The following IL23R variants were observed in gnomAD, a reference collection of about 807,000 sequenced individuals.
IL23R encodes interleukin 23 receptor, also known as interleukin-23 receptor.
In IL23R, 34 loss-of-function variants were observed where a neutral mutation model predicts 56.9. The ratio of observed to expected loss-of-function variants is 0.60; its 90% CI spans 0.45 to 0.80. IL23R has a LOEUF of 0.80. IL23R is among the 30% of genes least tolerant of loss of function. IL23R has a pLI of 0.00. For synonymous variants in IL23R, 230 were observed against 249.2 expected, an observed-to-expected ratio of 0.92 and a Z score of 0.73; for missense variants, 635 against 730.0, an observed-to-expected ratio of 0.87 and a Z score of 1.50.
chr1:67,146,184 T>C (rs1363598985), intron 1 of IL23R, among the ~76,000 whole-genome samples: 1 of 152,224 alleles, frequency 6.6e-6, no homozygotes, highest in East Asian at 1.9e-4. Context: ...GCTTCTCAGC[T>C]GAGCCCAGTC....
intron 9 of IL23R, among the ~76,000 whole-genome samples, chr1:67,244,906 A>ATGGCC (rs771138012): frequency 5.3e-5 from 8 of 152,164 alleles, no homozygotes; most frequent in Non-Finnish European, 1.0e-4. Flanking sequence ...TTTGGGCAAT[A>ATGGCC]TGGCCATTTT....
At chr1:67,206,766 TG>T (rs1325625903) in intron 5 of IL23R, 143 bp from the exon 6 acceptor site, 1 of 904,232 alleles carries the variant, frequency 1.1e-6, no homozygotes. Flanking sequence ...AATAAGAAAA[TG>T]TCCATAATTG....
rs1032534416 is a variant in IL23R at position 67,193,960 on chromosome 1, C to T, written c.492-6777C>T. On this transcript the variant is annotated intron_variant, in intron 4 of 10. Transcript: ENST00000347310. ...CCAACCGGCTAAAAATTGTGGTTTC[C>T]ACGATACACTCCTCAGGTTTGATTA... Among the ~76,000 whole-genome samples, 3 of 152,196 alleles carry T rather than the reference C, an allele frequency of 2.0e-5. No homozygotes were observed. The South Asian group carries it at 6.2e-4, about 32-fold the overall frequency.
chr1:67,145,255 G>T lies in IL23R; in HGVS notation c.-634+6094G>T, dbSNP rs12057215. On this transcript the variant is annotated intron_variant, in intron 1 of 10. Transcript: ENST00000637002. ...CCAGCTACTCAGGAGGCTGAGGCAG[G>T]AGGATCACTTGAACCCAGGAGACGG... Among the ~76,000 whole-genome samples, 370 of 152,282 alleles carry T rather than the reference G, an allele frequency of 2.4e-3. 3 individuals carry two copies. The highest frequency in any genetic ancestry group is 8.4e-3 in the African/African-American group (347 of 41,542).
intron 3 of IL23R, among the ~76,000 whole-genome samples, chr1:67,181,945 C>A (rs975602804): frequency 1.3e-5 from 2 of 152,138 alleles, no homozygotes. Context: ...TGCAGAACAG[C>A]GAATATTGGT....
chr1:67,189,921 C>T (rs969918702), intron 4 of IL23R, among the ~76,000 whole-genome samples: 1 of 152,014 alleles, frequency 6.6e-6, no homozygotes, highest in Admixed American at 6.6e-5. Context: ...GGCGACTTAG[C>T]CAGACCCTGT....
intron 1 of IL23R, among the ~76,000 whole-genome samples, chr1:67,143,257 T>A (rs1247426008): frequency 1.3e-5 from 2 of 152,124 alleles, no homozygotes. Context: ...CTGGGGAGGA[T>A]TTTTGCTTTG....
chr1:67,153,040 T>C (rs1646742164), intron 1 of IL23R, among the ~76,000 whole-genome samples: 1 of 152,248 alleles, frequency 6.6e-6, no homozygotes, highest in African/African-American at 2.4e-5. Context: ...CTCCTCTTTG[T>C]ACTGCTGATA....
intron 7 of IL23R, among the ~76,000 whole-genome samples, chr1:67,228,013 TC>T (rs1650785368): frequency 8.9e-6 from 1 of 112,404 alleles, no homozygotes. Flanking sequence ...TTTCTTTCTT[TC>T]TTTCTTCCTT....
chr1:67,163,514 A>C (rs1441642178), upstream of IL23R, among the ~76,000 whole-genome samples: 2 of 151,322 alleles, frequency 1.3e-5, no homozygotes, highest in Admixed American at 6.6e-5. Context: ...AAAAGAAAAG[A>C]AAAAAGAAAA....
At chr1:67,183,034 C>T in intron 4 of IL23R, 75 bp downstream of exon 4, 1 of 1,546,692 alleles carries the variant, frequency 6.5e-7, no homozygotes, top group East Asian at 2.3e-5. Context: ...CAGCAGAGAT[C>T]CAAGAAATCA....
chr1:67,145,898 T>A (rs1027765988), intron 1 of IL23R, among the ~76,000 whole-genome samples: 3 of 152,270 alleles, frequency 2.0e-5, no homozygotes, highest in East Asian at 1.9e-4. Flanking sequence ...GCAGAAGTGA[T>A]ATTTTGTAGT....
intron 6 of IL23R, among the ~76,000 whole-genome samples, chr1:67,218,848 G>T (rs574072762): frequency 6.6e-6 from 1 of 152,094 alleles, no homozygotes; most frequent in East Asian, 1.9e-4. Context: ...CAGCCCAGGA[G>T]GAGGTGGAGG....
intron 1 of IL23R, among the ~76,000 whole-genome samples, chr1:67,151,555 T>G (rs549759293): frequency 6.6e-6 from 1 of 152,182 alleles, no homozygotes; most frequent in Non-Finnish European, 1.5e-5. Context: ...ATTGCCTAGG[T>G]TTTCTTCTAG....
chr1:67,181,269 C>G (rs1242078263), intron 3 of IL23R, among the ~76,000 whole-genome samples: 6 of 152,168 alleles, frequency 3.9e-5, no homozygotes, highest in African/African-American at 1.4e-4. Context: ...TTCAGGTACA[C>G]CAATCAGACA....
chr1:67,207,164 T>C (rs976810114), intron 6 of IL23R, 109 bp downstream of exon 6: 1 of 1,201,664 alleles, frequency 8.3e-7, no homozygotes, highest in Non-Finnish European at 1.2e-6. Context: ...TTTAATCTGA[T>C]TGTTTGCATG....
rs562665292 is a variant in IL23R, at chr1:67,145,111, A to G, written c.-634+5950A>G. ...TATAATCCCAACACTTTGGGAGGCC[A>G]AGGCAGGTGGATCACCTGAGGTCAG... On this transcript the variant is annotated intron_variant, in intron 1 of 10. Coordinates refer to the IL23R transcript ENST00000637002. Among the ~76,000 whole-genome samples, 13 of 152,322 alleles carry G rather than the reference A, an allele frequency of 8.5e-5. No individual in the cohort carries two copies. The East Asian group carries it at 2.5e-3, about 29-fold the overall frequency.
chr1:67,200,801 T>G lies in IL23R; in HGVS notation c.556T>G (p.Leu186Val). Residue 186 changes from leucine to valine, a missense_variant, in exon 5 of 11, where the codon TTA becomes GTA. Physicochemically the swap from Leu to Val is conservative, Grantham distance 32. Transcript: ENST00000347310. ...CTATATTAACATCTCCACTGATTCA[T>G]TACAAGGTGGCAAGAAGTACTTGGT... ...SSYINISTDS[L>V]QGGKKYLVWV... is the part of the protein sequence containing the mutation. The G allele has an allele frequency of 6.2e-7, 1 of 1,614,096 alleles. No individual in the cohort carries two copies. Among genetic ancestry groups the G allele is most frequent in the South Asian group, 1.1e-5 (1 of 91,076 alleles).
intron 1 of IL23R, 97 bp downstream of exon 1, chr1:67,166,638 A>G (rs771061417): frequency 6.6e-6 from 1 of 152,374 alleles, no homozygotes; most frequent in Non-Finnish European, 1.5e-5. Flanking sequence ...TTCTCATGAT[A>G]TTCCATGCAG....
Sources: allele counts gnomAD v4.1 joint callset (sites outside exome capture counted in the v4.1 genomes callset), GRCh38; gene constraint gnomAD v4.1.1; transcripts MANE v1.5; gene names NCBI Gene and HGNC (gene_info 2026-07-23, HGNC 2026-07-21).